SLC25A24: variants seen among roughly 807,000 people sequenced by gnomAD.
SLC25A24 encodes mitochondrial adenyl nucleotide antiporter SLC25A24.
In SLC25A24, 49 loss-of-function variants were observed where a neutral mutation model predicts 60.7. That is an observed-to-expected ratio of 0.81 (90% CI 0.64 to 1.02). The LOEUF (loss-of-function observed/expected upper bound fraction) is 1.02. Among genes scored for constraint, SLC25A24 ranks in the 50% least tolerant of loss-of-function variants. SLC25A24 has a pLI of 0.00. For synonymous variants in SLC25A24, 202 were observed against 200.6 expected (o/e 1.01, Z -0.06); for missense variants, 564 against 586.3 (o/e 0.96, Z 0.39).
At position 108,157,492 on chromosome 1, in the gene SLC25A24, G is replaced by A; in HGVS notation, c.639C>T (p.Ala213=). 1 of 1,614,082 alleles carries A rather than the reference G, an allele frequency of 6.2e-7. No homozygotes were observed. Among genetic ancestry groups the A allele is most frequent in the Non-Finnish European group, 8.5e-7 (1 of 1,180,002 alleles). ...IAGAVSRTST[A]PLDRLKIMMQ... Reference sequence around the variant, plus strand: ...TCATGATTTTCAGACGGTCCAAAGGGGCAGTGCTTGTTCGAGAGACAGCAC... The same window carrying A: ...TCATGATTTTCAGACGGTCCAAAGGAGCAGTGCTTGTTCGAGAGACAGCAC... Residue 213 remains alanine (A), a synonymous_variant, in exon 5 of 10, where the codon GCC becomes GCT. Coordinates refer to ENST00000565488, the MANE Select transcript of SLC25A24 (RefSeq NM_013386.5).
At chr1:108,138,199 C>G (rs941934255) in intron 9 of SLC25A24, among the ~76,000 whole-genome samples, 1 of 152,154 alleles carries the variant, frequency 6.6e-6, no homozygotes, top group Non-Finnish European at 1.5e-5. Flanking sequence ...ACTGGCGGGG[C>G]CACACCTGAC....
chr1:108,185,678 A>T, intron 2 of SLC25A24, 150 bp downstream of exon 2: 1 of 587,010 alleles, frequency 1.7e-6, no homozygotes, highest in Non-Finnish European at 2.9e-6. Flanking sequence ...TATAAACTCT[A>T]CATAAAAATC....
intron 8 of SLC25A24, among the ~76,000 whole-genome samples, chr1:108,142,886 A>C (rs1679479298): frequency 6.6e-6 from 1 of 152,194 alleles, no homozygotes; most frequent in Non-Finnish European, 1.5e-5. Context: ...CTTTAAAAAA[A>C]AAATTCGACT....
chr1:108,145,527 G>C (rs1057396233), intron 7 of SLC25A24, among the ~76,000 whole-genome samples: 3 of 151,918 alleles, frequency 2.0e-5, no homozygotes, highest in Admixed American at 6.6e-5. Context: ...TTTTTTTCTA[G>C]GGATTTTATA....
At chr1:108,169,372 A>G (rs1051594213) in intron 3 of SLC25A24, among the ~76,000 whole-genome samples, 3 of 152,106 alleles carry the variant, frequency 2.0e-5, no homozygotes, top group African/African-American at 4.8e-5. Flanking sequence ...ATGGCATTGA[A>G]TCTCTATCAC....
chr1:108,196,023 A>G (rs1177577262), intron 1 of SLC25A24, among the ~76,000 whole-genome samples: 1 of 151,572 alleles, frequency 6.6e-6, no homozygotes, highest in Non-Finnish European at 1.5e-5. Context: ...AAAAAGCAAT[A>G]TTAATGAAAT....
intron 7 of SLC25A24, among the ~76,000 whole-genome samples, chr1:108,144,562 T>C (rs1354437797): frequency 6.6e-6 from 1 of 152,184 alleles, no homozygotes; most frequent in Non-Finnish European, 1.5e-5. Flanking sequence ...GTATTTCTTC[T>C]AATGCTATTC....
intron 4 of SLC25A24, among the ~76,000 whole-genome samples, chr1:108,160,550 C>T (rs1156876761): frequency 6.6e-6 from 1 of 152,158 alleles, no homozygotes; most frequent in African/African-American, 2.4e-5. Context: ...GACGGGGTGG[C>T]GGCTGGGCAG....
intron 1 of SLC25A24, chr1:108,192,737 A>T: frequency 7.2e-7 from 1 of 1,395,032 alleles, no homozygotes; most frequent in Non-Finnish European, 9.4e-7. Context: ...GGCCTAAGAC[A>T]GCATCCTCCT....
At chr1:108,181,338 CTG>C (rs1647924996) in intron 3 of SLC25A24, among the ~76,000 whole-genome samples, 1 of 152,094 alleles carries the variant, frequency 6.6e-6, no homozygotes, top group Non-Finnish European at 1.5e-5. Flanking sequence ...AGTTCCTGCC[CTG>C]TGTTTATAGC....
In SLC25A24 at chr1:108,151,480, A is replaced by G. The variant is rs149797302; in HGVS notation, c.823-3094T>C. Among the ~76,000 whole-genome samples the G allele has an allele frequency of 3.8e-3, 575 of 152,268 alleles. 15 individuals carry two copies. Among genetic ancestry groups the G allele is most frequent in the Admixed American group, 0.034 (526 of 15,302 alleles). On this transcript the variant is annotated intron_variant, in intron 6 of 9. Transcript: ENST00000565488. ...AAATCCTAAAAGATATTCTTATTAT[A>G]TTCACTACCCAGTAGTACTGACCCC...
chr1:108,199,799 C>T, intron 1 of SLC25A24, 157 bp downstream of exon 1: 1 of 624,652 alleles, frequency 1.6e-6, no homozygotes, highest in Non-Finnish European at 2.8e-6. Flanking sequence ...GGTCGCGGCC[C>T]CACGCCCGAG....
At chr1:108,160,999 G>C (rs1335324223) in intron 4 of SLC25A24, among the ~76,000 whole-genome samples, 183 bp downstream of exon 4, 2 of 151,930 alleles carry the variant, frequency 1.3e-5, no homozygotes, top group Middle Eastern at 3.2e-3. Context: ...GAGAGGGAGA[G>C]CTGTTTTTTT....
intron 3 of SLC25A24, among the ~76,000 whole-genome samples, chr1:108,164,659 T>G (rs1680191782): frequency 6.6e-6 from 1 of 150,452 alleles, no homozygotes; most frequent in Non-Finnish European, 1.5e-5. Flanking sequence ...CATTTTTTAT[T>G]GTGTCTATTT....
At chr1:108,194,804 G>A (rs1648443303) in intron 1 of SLC25A24, among the ~76,000 whole-genome samples, 2 of 152,210 alleles carry the variant, frequency 1.3e-5, no homozygotes, top group South Asian at 4.2e-4. Context: ...TTAAATGAAT[G>A]AATTTACTAT....
intron 3 of SLC25A24, among the ~76,000 whole-genome samples, chr1:108,180,208 A>T (rs1435212126): frequency 3.1e-5 from 3 of 96,724 alleles, no homozygotes; most frequent in Admixed American, 2.2e-4. Flanking sequence ...TAGTAAAAAT[A>T]AAAAAAAATA....
rs756530511 is a variant in SLC25A24 at position 108,139,204 on chromosome 1, A to G, written c.1103T>C (p.Leu368Ser). The G allele has an allele frequency of 1.9e-6, 3 of 1,586,314 alleles. No individual in the cohort carries two copies. Among genetic ancestry groups the G allele is most frequent in the Non-Finnish European group, 1.7e-6 (2 of 1,170,480 alleles). The change falls in exon 9 of 10, where the codon TTG becomes TCG. Residue 368 changes from leucine (L) to serine (S), a missense_variant. Physicochemically the swap from Leu to Ser is moderately radical, Grantham distance 145. Transcript: ENST00000565488. Reference sequence around the variant, plus strand: ...AAAATTATCCAGCCAATAGGACTTCAAGAGCTGCCAGAGAAATAAAGAAGA... The same window carrying G: ...AAAATTATCCAGCCAATAGGACTTCGAGAGCTGCCAGAGAAATAAAGAAGA... ...AGIDLAVYEL[L>S]KSYWLDNFAK...
Position 108,193,194 on chromosome 1 carries a change from T to G in SLC25A24, c.183+6762A>C, listed in dbSNP as rs1466568273. ...AATGATTTTTTAAAATAAAATAATT[T>G]TATTGTAGATTCAGGGGTTACACCA... On this transcript the variant is annotated intron_variant, in intron 1 of 9. Coordinates refer to ENST00000565488, the MANE Select transcript of SLC25A24 (RefSeq NM_013386.5). Among the ~76,000 whole-genome samples, 5 of 139,160 alleles carry G rather than the reference T, an allele frequency of 3.6e-5. 1 individual carries two copies. The highest frequency in any genetic ancestry group is 7.9e-5 in the Non-Finnish European group (5 of 63,606). 91.3% of individuals were successfully genotyped at this position (139,160 alleles called of 152,430 possible).
At chr1:108,147,335 A>G (rs563993775) in intron 7 of SLC25A24, among the ~76,000 whole-genome samples, 2 of 152,086 alleles carry the variant, frequency 1.3e-5, no homozygotes, top group South Asian at 2.1e-4. Context: ...CTAGTTGTCT[A>G]TTTTGTTAAA....
Sources: allele counts gnomAD v4.1 joint callset (sites outside exome capture counted in the v4.1 genomes callset), GRCh38; gene constraint gnomAD v4.1.1; transcripts MANE v1.5; gene names NCBI Gene and HGNC (gene_info 2026-07-23, HGNC 2026-07-21).